PALM2AKAP2: variants seen among roughly 807,000 people sequenced by gnomAD.
The protein encoded by PALM2AKAP2 is PALM2 and AKAP2 fusion, also known as PALM2-AKAP2 fusion protein.
A neutral mutation model predicts 71.5 loss-of-function variants in PALM2AKAP2; 37 were observed. That is an observed-to-expected ratio of 0.52 (90% confidence interval 0.40 to 0.68). The LOEUF (loss-of-function observed/expected upper bound fraction) is 0.68, where lower values mean the gene tolerates loss of function less well. Among genes scored for constraint, PALM2AKAP2 ranks in the 30% least tolerant of loss-of-function variants. PALM2AKAP2 has a pLI of 0.00. For missense variants in PALM2AKAP2, 1,224 were observed against 1,191.8 expected (o/e 1.03, Z -0.40); for synonymous variants, 468 against 478.8 (o/e 0.98, Z 0.29).
At chr9:109,907,125 C>G (rs1268078973) in intron 3 of PALM2AKAP2, among the ~76,000 whole-genome samples, 1 of 152,170 alleles carries the variant, frequency 6.6e-6, no homozygotes, top group Non-Finnish European at 1.5e-5. Context: ...CTCCTGAAAT[C>G]CTGCCCTGCC....
chr9:110,147,541 G>A (rs925982028), intron 2 of PALM2AKAP2, among the ~76,000 whole-genome samples: 1 of 152,164 alleles, frequency 6.6e-6, no homozygotes, highest in Non-Finnish European at 1.5e-5. Context: ...TTAAGAAAAA[G>A]CTTAGAGGCT....
At chr9:109,966,287 A>G (rs1564237338) in intron 6 of PALM2AKAP2, among the ~76,000 whole-genome samples, 2 of 152,242 alleles carry the variant, frequency 1.3e-5, no homozygotes, top group Non-Finnish European at 2.9e-5. Context: ...GTGGCTGTGC[A>G]AAAGAAAAGG....
intron 3 of PALM2AKAP2, among the ~76,000 whole-genome samples, chr9:109,887,849 T>A (rs1403662519): frequency 6.6e-6 from 1 of 152,220 alleles, no homozygotes; most frequent in African/African-American, 2.4e-5. Flanking sequence ...TTTTGAGACC[T>A]CTGATATTGA....
chr9:109,838,211 A>G (rs1587947540), intron 1 of PALM2AKAP2, among the ~76,000 whole-genome samples: 2 of 152,312 alleles, frequency 1.3e-5, no homozygotes, highest in East Asian at 1.9e-4. Flanking sequence ...CTAGAACTCA[A>G]GATTAAGAAA....
At chr9:109,714,505 C>T (rs1488826218) in intron 1 of PALM2AKAP2, among the ~76,000 whole-genome samples, 2 of 152,168 alleles carry the variant, frequency 1.3e-5, no homozygotes, top group Non-Finnish European at 2.9e-5. Context: ...CCCATTCCTT[C>T]TTTGCTTGAG....
intron 1 of PALM2AKAP2, among the ~76,000 whole-genome samples, chr9:110,126,586 T>C (rs559738253): frequency 2.6e-5 from 4 of 152,306 alleles, no homozygotes; most frequent in East Asian, 1.9e-4. Context: ...GTATCCCTCA[T>C]TGAGGAAAAC....
At chr9:109,698,147 C>CA (rs1206212319) in intron 1 of PALM2AKAP2, among the ~76,000 whole-genome samples, 2 of 152,022 alleles carry the variant, frequency 1.3e-5, no homozygotes, top group Admixed American at 6.6e-5. Flanking sequence ...CATGACTATA[C>CA]AAAAAACCTT....
chr9:109,852,990 G>GT (rs1829062359), intron 1 of PALM2AKAP2, among the ~76,000 whole-genome samples: 1 of 152,154 alleles, frequency 6.6e-6, no homozygotes, highest in South Asian at 2.1e-4. Flanking sequence ...TGTTTACTCT[G>GT]TTGGTAGTTT....
chr9:109,723,964 T>C (rs1421994455), intron 1 of PALM2AKAP2, among the ~76,000 whole-genome samples: 2 of 152,216 alleles, frequency 1.3e-5, no homozygotes, highest in Non-Finnish European at 2.9e-5. Flanking sequence ...GACTTTGACC[T>C]AAAGGGTTAT....
chr9:109,751,599 G>A (rs995303432), intron 1 of PALM2AKAP2, among the ~76,000 whole-genome samples: 1 of 152,070 alleles, frequency 6.6e-6, no homozygotes, highest in Non-Finnish European at 1.5e-5. Flanking sequence ...TTCCTAGCTC[G>A]TTCTTCTTCC....
At chr9:109,929,845 C>T (rs1781966057) in intron 5 of PALM2AKAP2, among the ~76,000 whole-genome samples, 1 of 115,542 alleles carries the variant, frequency 8.7e-6, no homozygotes, top group Non-Finnish European at 1.6e-5. Context: ...GCCTGGGTGA[C>T]AGAGTGAGAC....
intron 1 of PALM2AKAP2, among the ~76,000 whole-genome samples, chr9:109,689,283 A>T (rs1587868743): frequency 2.0e-5 from 3 of 148,222 alleles, no homozygotes; most frequent in Admixed American, 6.8e-5. Flanking sequence ...GCTCACTGCA[A>T]CCTCCGCCTG....
At chr9:109,709,308 A>G (rs1828190663) in intron 1 of PALM2AKAP2, among the ~76,000 whole-genome samples, 1 of 152,192 alleles carries the variant, frequency 6.6e-6, no homozygotes. Context: ...GATGCCTGAC[A>G]CTTGCATCTT....
At chr9:110,117,298 T>C (rs60139947) in intron 1 of PALM2AKAP2, among the ~76,000 whole-genome samples, 2,606 of 152,214 alleles carry the variant, frequency 0.017, 67 homozygotes, top group African/African-American at 0.059. Context: ...TTTTTAAAAT[T>C]ATTTTTTGTA....
chr9:109,727,951 C>A (rs867559812), intron 1 of PALM2AKAP2, among the ~76,000 whole-genome samples: 2 of 152,164 alleles, frequency 1.3e-5, no homozygotes, highest in African/African-American at 4.8e-5. Context: ...AGTGCCAGGT[C>A]CATCCCAGAG....
intron 1 of PALM2AKAP2, among the ~76,000 whole-genome samples, chr9:109,818,195 T>C (rs1338203902): frequency 6.6e-6 from 1 of 152,234 alleles, no homozygotes; most frequent in Non-Finnish European, 1.5e-5. Flanking sequence ...AGAAAAGGTA[T>C]AAATAAGCCT....
intron 1 of PALM2AKAP2, among the ~76,000 whole-genome samples, chr9:109,727,032 T>C (rs561013739): frequency 2.6e-5 from 4 of 152,346 alleles, no homozygotes; most frequent in African/African-American, 9.6e-5. Context: ...AAAACCACTT[T>C]GGGTTACATG....
intron 7 of PALM2AKAP2, among the ~76,000 whole-genome samples, chr9:110,036,314 C>A (rs1044314378): frequency 6.6e-6 from 1 of 152,076 alleles, no homozygotes; most frequent in Non-Finnish European, 1.5e-5. Flanking sequence ...AATAAGAACA[C>A]TTTATTGTAA....
intron 6 of PALM2AKAP2, among the ~76,000 whole-genome samples, chr9:109,955,656 C>T (rs986615203): frequency 2.6e-5 from 4 of 152,026 alleles, no homozygotes; most frequent in African/African-American, 7.2e-5. Context: ...TTTTTATCTT[C>T]CTAAGAGCAA....
Sources: gnomAD v4.1 joint callset for allele counts (sites outside exome capture counted in the v4.1 genomes callset) on GRCh38, gnomAD v4.1.1 for gene constraint, MANE v1.5 for transcripts, NCBI Gene and HGNC (gene_info 2026-07-23, HGNC 2026-07-21) for gene names.